Variants in RBPJ observed in about 807,000 individuals in gnomAD.
The protein encoded by RBPJ is recombining binding protein suppressor of hairless.
In RBPJ, 9 loss-of-function variants were observed where a neutral mutation model predicts 67.8. That is an observed-to-expected ratio of 0.13 (90% CI 0.08 to 0.23). RBPJ has a LOEUF of 0.23. Ranked by LOEUF, RBPJ falls within the 10% of genes least tolerant of loss-of-function variation. The probability of loss-of-function intolerance (pLI) is 1.00; values close to 1 mark genes in which losing one functional copy is unlikely to be tolerated. For missense variants in RBPJ, 305 were observed against 595.6 expected, an observed-to-expected ratio of 0.51 and a Z score of 5.08; for synonymous variants, 198 against 203.3, an observed-to-expected ratio of 0.97 and a Z score of 0.22.
intron 1 of RBPJ, among the ~76,000 whole-genome samples, chr4:26,188,709 A>G (rs1299237576): frequency 6.6e-6 from 1 of 152,196 alleles, no homozygotes; most frequent in Non-Finnish European, 1.5e-5. Flanking sequence ...GCCAAATTAG[A>G]TATATTCCTT....
At chr4:26,219,563 G>A (rs551828763) in intron 1 of RBPJ, among the ~76,000 whole-genome samples, 40 of 152,266 alleles carry the variant, frequency 2.6e-4, no homozygotes, top group South Asian at 2.3e-3. Flanking sequence ...TCGAGCATCC[G>A]AAGTCCCTAT....
intron 1 of RBPJ, among the ~76,000 whole-genome samples, chr4:26,344,225 A>G (rs1164041512): frequency 1.3e-5 from 2 of 151,816 alleles, no homozygotes; most frequent in Admixed American, 6.6e-5. Context: ...ATAGCTAACT[A>G]TAATTATTTT....
At chr4:26,112,323 A>T in the RBPJ span, 1 of 154,786 alleles carries the variant, frequency 6.5e-6, no homozygotes, top group Non-Finnish European at 1.5e-5. Flanking sequence ...GCGTTTAATT[A>T]TTGATCAAAA....
intron 5 of RBPJ, among the ~76,000 whole-genome samples, chr4:26,422,086 TTA>T (rs1039323890): frequency 3.3e-5 from 5 of 152,206 alleles, no homozygotes; most frequent in African/African-American, 1.2e-4. Context: ...GTTTGGCTGA[TTA>T]TATGTTTCTC....
At chr4:26,389,461 A>G (rs1731270907) in intron 2 of RBPJ, among the ~76,000 whole-genome samples, 2 of 150,722 alleles carry the variant, frequency 1.3e-5, no homozygotes. Context: ...CTAGAATTCT[A>G]TACCCAGTAG....
At chr4:26,126,107 C>A in the RBPJ span, among the ~76,000 whole-genome samples, 12 of 152,292 alleles carry the variant, frequency 7.9e-5, no homozygotes, top group Non-Finnish European at 1.3e-4. Context: ...GGAGCAAACA[C>A]CAGCCTTTCC....
At chr4:26,292,965 T>C (rs775017680) in intron 1 of RBPJ, among the ~76,000 whole-genome samples, 3 of 150,814 alleles carry the variant, frequency 2.0e-5, no homozygotes, top group Non-Finnish European at 4.4e-5. Flanking sequence ...TTCCTTCTGA[T>C]GTTATACCCA....
chr4:26,267,396 T>C (rs918959526), intron 1 of RBPJ, among the ~76,000 whole-genome samples: 1 of 152,102 alleles, frequency 6.6e-6, no homozygotes, highest in African/African-American at 2.4e-5. Flanking sequence ...TGAGTATATT[T>C]GACTAACTGA....
the RBPJ span, among the ~76,000 whole-genome samples, chr4:26,110,428 T>C: frequency 2.0e-5 from 3 of 152,170 alleles, no homozygotes; most frequent in Non-Finnish European, 4.4e-5. The surrounding 1 kb of genome is among the most constrained non-coding windows in gnomAD (Gnocchi z 4.5). Context: ...CACCTCCACA[T>C]CTAACCCTTT....
At chr4:26,389,197 C>T (rs1320744964) in intron 2 of RBPJ, among the ~76,000 whole-genome samples, 1 of 151,216 alleles carries the variant, frequency 6.6e-6, no homozygotes, top group Non-Finnish European at 1.5e-5. Flanking sequence ...CCACTGCACT[C>T]CAGCCTGGGT....
chr4:26,142,149 C>T, the RBPJ span, among the ~76,000 whole-genome samples: 3 of 152,252 alleles, frequency 2.0e-5, no homozygotes, highest in African/African-American at 7.2e-5. Context: ...CTGCTAAGGG[C>T]ATCTGTTCTG....
chr4:26,172,048 G>T (rs1160769078), intron 1 of RBPJ, among the ~76,000 whole-genome samples: 1 of 152,248 alleles, frequency 6.6e-6, no homozygotes, highest in Non-Finnish European at 1.5e-5. Flanking sequence ...TGTAAGGCCG[G>T]AGGGCAGCGA....
chr4:26,316,659 T>TATATATACACATATTG (rs1375698752), upstream of RBPJ, among the ~76,000 whole-genome samples: 5 of 129,022 alleles, frequency 3.9e-5, no homozygotes, highest in East Asian at 7.0e-4. Flanking sequence ...CATATTGATA[T>TATATATACACATATTG]ATATATATAT....
At chr4:26,399,570 C>T (rs1732542518) in intron 2 of RBPJ, among the ~76,000 whole-genome samples, 1 of 151,660 alleles carries the variant, frequency 6.6e-6, no homozygotes, top group African/African-American at 2.4e-5. Context: ...TAAGGCAAAC[C>T]ACAGTCAAAA....
chr4:26,122,451 G>A, the RBPJ span, among the ~76,000 whole-genome samples: 1 of 152,186 alleles, frequency 6.6e-6, no homozygotes, highest in Non-Finnish European at 1.5e-5. Flanking sequence ...TAGAATGTGG[G>A]TATTGTAGGT....
At position 26,428,496 on chromosome 4, in the gene RBPJ, G is replaced by A. The variant is rs148942383; in HGVS notation, c.748-224G>A. ...CTGATTTTTTTTTTTTAGATGTTCA[G>A]GGAAGAGGGTAACAGTTTCTACATT... On this transcript the variant is annotated intron_variant, in intron 7 of 10. Coordinates refer to ENST00000355476, the MANE Select transcript of RBPJ (RefSeq NM_015874.6). 9.1e-4 allele frequency: 386 copies of A among 425,652 alleles called. 2 individuals are homozygous for A. Among genetic ancestry groups the A allele is most frequent in the African/African-American group, 6.2e-3 (301 of 48,590 alleles). 26.4% of individuals were successfully genotyped at this position (425,652 alleles called of 1,614,324 possible).
At chr4:26,403,595 C>T (rs923639673) in intron 2 of RBPJ, among the ~76,000 whole-genome samples, 6 of 152,138 alleles carry the variant, frequency 3.9e-5, no homozygotes, top group Non-Finnish European at 8.8e-5. Flanking sequence ...TTCATAAGTT[C>T]TCATCATTTA....
At chr4:26,105,875 G>A in the RBPJ span, among the ~76,000 whole-genome samples, 5 of 152,208 alleles carry the variant, frequency 3.3e-5, no homozygotes, top group African/African-American at 1.2e-4. Context: ...GATCTACAAG[G>A]TGGCCGCCAT....
chr4:26,203,461 C>A (rs897880186), intron 1 of RBPJ, among the ~76,000 whole-genome samples: 3 of 152,086 alleles, frequency 2.0e-5, no homozygotes, highest in Non-Finnish European at 2.9e-5. Context: ...CAGCTTTATT[C>A]TTCTTCATGG....
Sources: gnomAD v4.1 joint callset for allele counts (sites outside exome capture counted in the v4.1 genomes callset) on GRCh38, gnomAD v4.1.1 for gene constraint, Gnocchi (gnomAD v3.1) non-coding constraint, MANE v1.5 for transcripts, NCBI Gene and HGNC (gene_info 2026-07-23, HGNC 2026-07-21) for gene names.